The following PKNOX2 variants were observed in gnomAD, a reference collection of about 807,000 sequenced individuals.
The protein encoded by PKNOX2 is homeobox protein PKNOX2.
PKNOX2 carries 14 observed loss-of-function variants against 53.1 expected under a neutral mutation model. That is an observed-to-expected ratio of 0.26 (90% confidence interval 0.17 to 0.41). The LOEUF is 0.41. Among genes scored for constraint, PKNOX2 ranks in the 10% least tolerant of loss-of-function variants. The pLI is 1.00. For synonymous variants in PKNOX2, 257 were observed against 242.8 expected (o/e 1.06, Z -0.54); for missense variants, 496 against 602.8 (o/e 0.82, Z 1.85).
chr11:125,344,527 G>C (rs1950873252), intron 3 of PKNOX2, among the ~76,000 whole-genome samples: 1 of 152,208 alleles, frequency 6.6e-6, no homozygotes, highest in African/African-American at 2.4e-5. Flanking sequence ...GAAGCAGGCA[G>C]TCCTAGCCAA....
intron 2 of PKNOX2, among the ~76,000 whole-genome samples, chr11:125,273,009 C>T (rs1408440245): frequency 6.6e-6 from 1 of 152,212 alleles, no homozygotes; most frequent in Non-Finnish European, 1.5e-5. Flanking sequence ...AAGCAGCCAG[C>T]TTCCTGCACC....
chr11:125,273,529 A>T (rs1945956712), intron 2 of PKNOX2, among the ~76,000 whole-genome samples: 1 of 152,144 alleles, frequency 6.6e-6, no homozygotes, highest in South Asian at 2.1e-4. Flanking sequence ...TTTGGGCTGG[A>T]TGGAGAGACT....
intron 2 of PKNOX2, among the ~76,000 whole-genome samples, chr11:125,302,021 G>C (rs763408981): frequency 3.9e-5 from 6 of 152,320 alleles, no homozygotes; most frequent in Admixed American, 1.3e-4. Context: ...GCCAGTGCTT[G>C]TCTGACTGGG....
intron 2 of PKNOX2, among the ~76,000 whole-genome samples, chr11:125,282,281 A>G (rs1946609172): frequency 6.6e-6 from 1 of 152,210 alleles, no homozygotes; most frequent in Admixed American, 6.5e-5. Flanking sequence ...ACTTCCTACT[A>G]AGAATCTTAG....
At chr11:125,295,581 A>C (rs1222813609) in intron 2 of PKNOX2, among the ~76,000 whole-genome samples, 3 of 152,220 alleles carry the variant, frequency 2.0e-5, no homozygotes, top group Non-Finnish European at 4.4e-5. Flanking sequence ...TGGAGGACAC[A>C]GTGGGAGAGG....
chr11:125,302,894 T>C (rs1054445718), intron 2 of PKNOX2, among the ~76,000 whole-genome samples: 7 of 152,220 alleles, frequency 4.6e-5, no homozygotes, highest in African/African-American at 1.4e-4. Context: ...AACCAGCCAG[T>C]GCAGTGGTGT....
intron 1 of PKNOX2, among the ~76,000 whole-genome samples, chr11:125,231,711 G>T (rs1942216356): frequency 6.6e-6 from 1 of 151,578 alleles, no homozygotes; most frequent in Non-Finnish European, 1.5e-5. Flanking sequence ...ACACACACAG[G>T]TGTGTGTGGG....
intron 10 of PKNOX2, among the ~76,000 whole-genome samples, chr11:125,419,501 G>A (rs1591566487): frequency 6.7e-6 from 1 of 148,168 alleles, no homozygotes; most frequent in African/African-American, 2.5e-5. Context: ...GCCCATTTTT[G>A]TTCCAGAATA....
At chr11:125,208,338 G>A (rs1424506429) in intron 1 of PKNOX2, among the ~76,000 whole-genome samples, 1 of 152,044 alleles carries the variant, frequency 6.6e-6, no homozygotes, top group Admixed American at 6.6e-5. Context: ...AGTTAGATTG[G>A]GACCATGTCT....
intron 3 of PKNOX2, among the ~76,000 whole-genome samples, chr11:125,343,802 C>T (rs1233144820): frequency 9.2e-5 from 14 of 151,998 alleles, no homozygotes; most frequent in Admixed American, 8.5e-4. Flanking sequence ...GGGAGCAGGG[C>T]GGGTGTTGCT....
intron 1 of PKNOX2, among the ~76,000 whole-genome samples, chr11:125,171,629 A>G (rs1015394457): frequency 1.3e-5 from 2 of 152,180 alleles, no homozygotes; most frequent in African/African-American, 4.8e-5. Flanking sequence ...CTCCTCTGTC[A>G]TGTTATGTTG....
intron 6 of PKNOX2, among the ~76,000 whole-genome samples, chr11:125,388,790 G>C (rs149009010): frequency 1.3e-5 from 2 of 152,194 alleles, no homozygotes; most frequent in African/African-American, 4.8e-5. Context: ...GAAGATCAGA[G>C]AGGTTCCCAG....
At chr11:125,374,934 A>ATGGGG (rs896158583) in intron 5 of PKNOX2, among the ~76,000 whole-genome samples, 6 of 49,500 alleles carry the variant, frequency 1.2e-4, no homozygotes, top group African/African-American at 2.4e-4. Context: ...TGCAAATGAC[A>ATGGGG]TGGGGTGGGG....
At chr11:125,236,556 C>T (rs913001060) in intron 2 of PKNOX2, among the ~76,000 whole-genome samples, 1 of 152,198 alleles carries the variant, frequency 6.6e-6, no homozygotes, top group Non-Finnish European at 1.5e-5. Context: ...GCGCATCCCC[C>T]CGATCCCTGA....
chr11:125,336,292 T>C (rs979914448), intron 3 of PKNOX2, among the ~76,000 whole-genome samples: 1 of 152,136 alleles, frequency 6.6e-6, no homozygotes, highest in East Asian at 1.9e-4. Flanking sequence ...CCTTAGTTAT[T>C]TGATGGCCAA....
intron 2 of PKNOX2, among the ~76,000 whole-genome samples, chr11:125,321,968 T>A (rs1949536962): frequency 6.6e-6 from 1 of 152,058 alleles, no homozygotes; most frequent in South Asian, 2.1e-4. Context: ...AGGCCACCAA[T>A]CCCATTGATG....
In PKNOX2 at chr11:125,241,944, T is replaced by A. The variant is rs1943180238; in HGVS notation, c.-130+6829T>A. ...ATGATTCAAGGTGAAGAGGGTGGAG[T>A]GATGGAGAGGTACTCTCCAGTTAAG... On this transcript the variant is annotated intron_variant, in intron 2 of 12. Coordinates refer to ENST00000298282, the MANE Select transcript of PKNOX2 (RefSeq NM_001382323.2). 2.0e-5 allele frequency among the ~76,000 whole-genome samples: 3 copies of A among 151,058 alleles called. No individual in the cohort carries two copies. In the South Asian group the frequency reaches 6.3e-4, roughly 32 times the overall value.
intron 7 of PKNOX2, among the ~76,000 whole-genome samples, chr11:125,400,718 G>C (rs1954694115): frequency 6.6e-6 from 1 of 152,294 alleles, no homozygotes; most frequent in African/African-American, 2.4e-5. Flanking sequence ...GCCCCATCCA[G>C]AATGGACGCT....
At position 125,176,405 on chromosome 11, in the gene PKNOX2, G is replaced by A. The variant is rs546191165; in HGVS notation, c.-201+11629G>A. Among the ~76,000 whole-genome samples the A allele has an allele frequency of 1.5e-4, 23 of 152,328 alleles. No individual in the cohort carries two copies. The South Asian group carries it at 4.8e-3, about 32-fold the overall frequency. On this transcript the variant is annotated intron_variant, in intron 1 of 12. Transcript: ENST00000298282. Reference sequence around the variant, plus strand: ...TGAACTAGACAGATGGGTTCCTGCCGGGAGGGCTCACAGATCATGGGAGAG... The same window carrying A: ...TGAACTAGACAGATGGGTTCCTGCCAGGAGGGCTCACAGATCATGGGAGAG...
Sources: allele counts gnomAD v4.1 joint callset (sites outside exome capture counted in the v4.1 genomes callset), GRCh38; gene constraint gnomAD v4.1.1; transcripts MANE v1.5; gene names NCBI Gene and HGNC (gene_info 2026-07-23, HGNC 2026-07-21).